The following TRMT9B variants were observed in gnomAD, a reference collection of about 807,000 sequenced individuals.
The protein encoded by TRMT9B is probable tRNA methyltransferase 9B.
A neutral mutation model predicts 11.5 loss-of-function variants in TRMT9B; 16 were observed. The observed-to-expected ratio is 1.39, with a 90% confidence interval of 0.94 to 2.11. The LOEUF (loss-of-function observed/expected upper bound fraction) is 2.11. Ranked by LOEUF, TRMT9B falls within the 30% of genes most tolerant of loss-of-function variation. The pLI, the probability that TRMT9B is intolerant of heterozygous loss-of-function variation, is 0.00. For synonymous variants in TRMT9B, 274 were observed against 192.4 expected (o/e 1.42, Z -3.51); for missense variants, 941 against 553.8 (o/e 1.70, Z -7.02).
chr8:12,986,083 A>G (rs1806254511), intron 1 of TRMT9B, among the ~76,000 whole-genome samples: 2 of 152,018 alleles, frequency 1.3e-5, no homozygotes, highest in African/African-American at 4.8e-5. Flanking sequence ...GCTGGTCTTA[A>G]ACTCCTGACC....
rs1454103968 is a variant in TRMT9B at position 13,027,811 on chromosome 8, A to G, written c.*5767A>G. ...ACCACGGAAGTGGGAGGGAATCAAG[A>G]AGCATTAACAGACCCTCCACCAACC... On this transcript the variant is annotated 3_prime_UTR_variant, in exon 5 of 5. Coordinates refer to ENST00000524591, the MANE Select transcript of TRMT9B (RefSeq NM_020844.3). 1 of 166,656 alleles carries G rather than the reference A, an allele frequency of 6.0e-6. No individual in the cohort carries two copies. The highest frequency in any genetic ancestry group is 1.5e-5 in the Non-Finnish European group (1 of 68,028). The allele number at this position is 166,656 out of a possible 1,614,324, so 10.3% of individuals were successfully genotyped here. A position where few individuals can be genotyped will look rare whatever the true frequency, so the allele number is the denominator to read the frequency against.
chr8:13,004,844 A>T (rs562027223), intron 2 of TRMT9B, among the ~76,000 whole-genome samples: 1 of 152,000 alleles, frequency 6.6e-6, no homozygotes, highest in East Asian at 2.0e-4. Context: ...CACAGTGGGG[A>T]AGGGGTCTTT....
At chr8:12,970,102 T>G (rs1004190259) in intron 1 of TRMT9B, 7 of 152,170 alleles carry the variant, frequency 4.6e-5, no homozygotes, top group African/African-American at 1.7e-4. Context: ...TGAATAAACT[T>G]TAGCCCCTCA....
rs1814512109 is a variant in TRMT9B at position 13,024,947 on chromosome 8, T to A, written c.*2903T>A. The A allele has an allele frequency of 6.0e-6, 1 of 166,990 alleles. No homozygotes were observed. The highest frequency in any genetic ancestry group is 2.4e-5 in the African/African-American group (1 of 41,422). 10.3% of individuals were successfully genotyped at this position (166,990 alleles called of 1,614,324 possible). ...TTGAAGAGCAAAACTAATGTAAACG[T>A]CTTGATCATTTAAAAAGCTTGCTTG... is the stretch of plus-strand genomic sequence containing the variant. On this transcript the variant is annotated 3_prime_UTR_variant, in exon 5 of 5. Transcript: ENST00000524591.
chr8:13,008,679 A>G (rs191326122), intron 3 of TRMT9B, among the ~76,000 whole-genome samples: 1 of 152,344 alleles, frequency 6.6e-6, no homozygotes, highest in East Asian at 1.9e-4. Context: ...CAAAAGACCA[A>G]AATCAAACTA....
chr8:13,008,760 G>C (rs1345371999), intron 3 of TRMT9B, among the ~76,000 whole-genome samples: 1 of 152,036 alleles, frequency 6.6e-6, no homozygotes, highest in Non-Finnish European at 1.5e-5. Context: ...ACGGAGTCTT[G>C]CTCTGTTGCC....
intron 4 of TRMT9B, among the ~76,000 whole-genome samples, chr8:13,017,488 A>G (rs1341385815): frequency 1.3e-5 from 2 of 152,180 alleles, no homozygotes; most frequent in Admixed American, 6.5e-5. Context: ...GTTTCCAGAC[A>G]TTGATATTTC....
chr8:12,987,736 T>C (rs1002866810), intron 1 of TRMT9B, among the ~76,000 whole-genome samples: 4 of 152,044 alleles, frequency 2.6e-5, no homozygotes, highest in African/African-American at 7.2e-5. Flanking sequence ...CAGAACATCA[T>C]AGCTTACCTC....
intron 2 of TRMT9B, among the ~76,000 whole-genome samples, chr8:12,997,668 T>C (rs1351741805): frequency 1.3e-5 from 2 of 152,206 alleles, no homozygotes; most frequent in African/African-American, 4.8e-5. Flanking sequence ...AGTTTCCAGA[T>C]TTGTGCTACT....
intron 3 of TRMT9B, chr8:13,012,364 G>C (rs1445769372): frequency 1.3e-6 from 1 of 788,694 alleles, no homozygotes; most frequent in Non-Finnish European, 1.5e-6. Context: ...ATCACCTGAG[G>C]TTGGGAGTTC....
intron 4 of TRMT9B, among the ~76,000 whole-genome samples, chr8:13,019,983 G>A (rs114281765): frequency 4.9e-4 from 74 of 152,248 alleles, no homozygotes; most frequent in African/African-American, 1.8e-3. Flanking sequence ...GATACAAAAT[G>A]TATCTGTTGA....
chr8:12,997,109 A>G (rs1808500498), intron 2 of TRMT9B, among the ~76,000 whole-genome samples: 1 of 151,752 alleles, frequency 6.6e-6, no homozygotes, highest in Admixed American at 6.6e-5. Context: ...TTAATATGAT[A>G]TTTGTGGAAT....
At chr8:13,003,500 A>G (rs747349439) in intron 2 of TRMT9B, among the ~76,000 whole-genome samples, 1 of 152,116 alleles carries the variant, frequency 6.6e-6, no homozygotes, top group African/African-American at 2.4e-5. Flanking sequence ...AAAGCATAGC[A>G]TATGTTCAGG....
chr8:12,996,442 T>C (rs1808354330), intron 2 of TRMT9B, among the ~76,000 whole-genome samples: 1 of 152,222 alleles, frequency 6.6e-6, no homozygotes, highest in Non-Finnish European at 1.5e-5. Context: ...GTTAGATTTC[T>C]TCTGAGGCAA....
At chr8:12,948,096 A>G (rs1192773475) in intron 1 of TRMT9B, among the ~76,000 whole-genome samples, 3 of 152,200 alleles carry the variant, frequency 2.0e-5, no homozygotes, top group Non-Finnish European at 4.4e-5. Context: ...AACCCATTGT[A>G]AATGGAAAGT....
chr8:12,958,713 G>A (rs559216223), intron 1 of TRMT9B: 1 of 152,250 alleles, frequency 6.6e-6, no homozygotes, highest in East Asian at 1.9e-4. Flanking sequence ...GCATGAGATT[G>A]AACAAAAGAA....
Position 12,957,441 on chromosome 8 carries a change from TG to T in TRMT9B, c.-200+11478del, listed in dbSNP as rs202167126. On this transcript the variant is annotated intron_variant, in intron 1 of 4. Transcript: ENST00000524591. The stretch of plus-strand genomic sequence containing the variant: ...TTTTATCAGAGCCTATAACATTCCA[TG>T]GGACATCAAATTTATGATTAGAGTA... Among the ~76,000 whole-genome samples, 1,400 of 147,030 alleles carry T rather than the reference TG, an allele frequency of 9.5e-3. 13 individuals are homozygous for T. Among genetic ancestry groups the T allele is most frequent in the Admixed American group, 0.038 (541 of 14,292 alleles).
chr8:13,011,354 T>G (rs1811578192), intron 3 of TRMT9B: 1 of 985,198 alleles, frequency 1.0e-6, no homozygotes, highest in African/African-American at 1.7e-5. Context: ...TAAGTTTGCT[T>G]TTACTGTATC....
intron 1 of TRMT9B, chr8:12,958,906 G>C (rs986550059): frequency 6.6e-6 from 1 of 152,062 alleles, no homozygotes; most frequent in East Asian, 1.9e-4. Context: ...AGAACACTTG[G>C]ACACAGGGCG....
Sources: allele counts gnomAD v4.1 joint callset (sites outside exome capture counted in the v4.1 genomes callset), GRCh38; gene constraint gnomAD v4.1.1; transcripts MANE v1.5; gene names NCBI Gene and HGNC (gene_info 2026-07-23, HGNC 2026-07-21).